Variants in KYNU observed in about 807,000 individuals in gnomAD.
The protein encoded by KYNU is kynureninase.
KYNU carries 54 observed loss-of-function variants against 59.2 expected under a neutral mutation model. That is an observed-to-expected ratio of 0.91 (90% CI 0.73 to 1.14). KYNU has a LOEUF of 1.14. KYNU is among the 50% of genes most tolerant of loss of function. KYNU has a pLI of 0.00. For synonymous variants in KYNU, 177 were observed against 192.0 expected, an observed-to-expected ratio of 0.92 and a Z score of 0.65; for missense variants, 567 against 554.4, an observed-to-expected ratio of 1.02 and a Z score of -0.23.
intron 10 of KYNU, chr2:142,989,053 C>T (rs1439035162): frequency 3.1e-6 from 2 of 635,020 alleles, no homozygotes; most frequent in Non-Finnish European, 5.5e-6. Context: ...AAGAAAAGAC[C>T]CAAAAGCCTA....
Position 143,017,987 on chromosome 2 carries a change from T to C in KYNU, c.903-11640T>C, listed in dbSNP as rs1686309098. 1.3e-5 allele frequency among the ~76,000 whole-genome samples: 2 copies of C among 152,096 alleles called. 1 individual carries two copies. The highest frequency in any genetic ancestry group is 2.9e-5 in the Non-Finnish European group (2 of 67,982). On this transcript the variant is annotated intron_variant, in intron 10 of 13. Transcript: ENST00000264170. The stretch of plus-strand genomic sequence containing the variant: ...TTCATGTATTTTGCCCATATTTTAG[T>C]GGGCAAAATATTTAGTTCAATTGCT...
At chr2:142,913,619 G>A (rs1166934299) in intron 2 of KYNU, among the ~76,000 whole-genome samples, 4 of 152,130 alleles carry the variant, frequency 2.6e-5, no homozygotes, top group Non-Finnish European at 4.4e-5. Context: ...CAAGCATATG[G>A]TCAATCATAG....
chr2:142,895,376 A>T (rs745930611), intron 2 of KYNU, among the ~76,000 whole-genome samples: 24 of 152,202 alleles, frequency 1.6e-4, no homozygotes, highest in Non-Finnish European at 3.2e-4. Flanking sequence ...TGAAGAAATT[A>T]TATACTGTAT....
intron 2 of KYNU, 85 bp downstream of exon 2, chr2:142,885,621 T>C: frequency 8.3e-7 from 1 of 1,209,388 alleles, no homozygotes. Context: ...TTGAAAATCA[T>C]TGTTGTATTA....
chr2:142,886,610 C>A (rs756262488), intron 2 of KYNU, among the ~76,000 whole-genome samples: 6 of 151,988 alleles, frequency 3.9e-5, no homozygotes, highest in Admixed American at 1.3e-4. Flanking sequence ...ATTCTAGAAT[C>A]GAAAATTAAA....
At chr2:143,022,496 A>C (rs2105219220) in intron 10 of KYNU, among the ~76,000 whole-genome samples, 1 of 152,114 alleles carries the variant, frequency 6.6e-6, no homozygotes, top group Non-Finnish European at 1.5e-5. Flanking sequence ...TAATATTAAT[A>C]TTATAATAGC....
chr2:143,047,882 G>T lies in KYNU; in HGVS notation c.*5710G>T, dbSNP rs1318293516. The T allele has an allele frequency of 8.8e-6, 1 of 113,282 alleles. No individual in the cohort carries two copies. The highest frequency in any genetic ancestry group is 1.7e-5 in the Non-Finnish European group (1 of 57,914). 7.0% of individuals were successfully genotyped at this position (113,282 alleles called of 1,614,324 possible). A position where few individuals can be genotyped will look rare whatever the true frequency, so the allele number is the denominator to read the frequency against. On this transcript the variant is annotated 3_prime_UTR_variant, in exon 14 of 14. Coordinates refer to ENST00000264170, the MANE Select transcript of KYNU (RefSeq NM_003937.3). ...TTTTTTTTTTTTTTTTTTTTTTGAGGCAGTCTCTCTCTGTCACCCAGGCTG... is the reference window on the plus strand; with the variant it reads ...TTTTTTTTTTTTTTTTTTTTTTGAGTCAGTCTCTCTCTGTCACCCAGGCTG...
chr2:143,006,808 C>T (rs1368787503), intron 10 of KYNU, among the ~76,000 whole-genome samples: 3 of 151,906 alleles, frequency 2.0e-5, no homozygotes, highest in African/African-American at 4.8e-5. Flanking sequence ...TGACACCTCA[C>T]ACGGCAGGGT....
intron 12 of KYNU, among the ~76,000 whole-genome samples, chr2:143,036,848 G>C (rs1045063280): frequency 1.3e-5 from 2 of 152,120 alleles, no homozygotes; most frequent in African/African-American, 4.8e-5. Flanking sequence ...TTCAATAAAC[G>C]AAAGAAGTAA....
intron 10 of KYNU, among the ~76,000 whole-genome samples, chr2:143,013,298 C>CTCTCTCTG (rs72349700): frequency 0.027 from 4,112 of 149,556 alleles, 82 homozygotes; most frequent in Non-Finnish European, 0.041. Flanking sequence ...GTCTCTTTCT[C>CTCTCTCTG]TGTGTGTGTG....
At chr2:142,966,272 G>T (rs565314952) in intron 8 of KYNU, among the ~76,000 whole-genome samples, 1 of 152,048 alleles carries the variant, frequency 6.6e-6, no homozygotes, top group Non-Finnish European at 1.5e-5. Context: ...CTCATGCATC[G>T]GGCAGGAATT....
intron 10 of KYNU, among the ~76,000 whole-genome samples, chr2:143,012,721 A>T (rs1686145154): frequency 6.6e-6 from 1 of 152,068 alleles, no homozygotes; most frequent in Non-Finnish European, 1.5e-5. Flanking sequence ...AACAGGGAAA[A>T]TCTACTCACT....
intron 4 of KYNU, chr2:142,947,028 G>A: frequency 6.5e-7 from 1 of 1,544,152 alleles, no homozygotes. Context: ...ACCCTTTTGT[G>A]GGCTGATTCT....
chr2:143,021,174 A>G (rs1686396766), intron 10 of KYNU, among the ~76,000 whole-genome samples: 1 of 152,136 alleles, frequency 6.6e-6, no homozygotes, highest in Non-Finnish European at 1.5e-5. Context: ...TGTACTAGAA[A>G]GATTAACCCT....
chr2:143,028,516 A>G (rs975436969), intron 10 of KYNU, among the ~76,000 whole-genome samples: 4 of 146,606 alleles, frequency 2.7e-5, no homozygotes, highest in African/African-American at 9.9e-5. Context: ...TGCTGGGATT[A>G]CAGGTGTGAG....
chr2:142,877,989 A>G (rs1198396116), intron 1 of KYNU, among the ~76,000 whole-genome samples: 5 of 152,202 alleles, frequency 3.3e-5, no homozygotes, highest in Non-Finnish European at 7.3e-5. Flanking sequence ...AACATAGTGC[A>G]CTGAATATGG....
intron 10 of KYNU, among the ~76,000 whole-genome samples, chr2:142,999,007 CAAAAAAAAAAAAAAAAAAA>C (rs59742828): frequency 1.6e-5 from 1 of 63,490 alleles, no homozygotes; most frequent in Admixed American, 1.8e-4. Flanking sequence ...GACTCCGTCT[CAAAAAAAAAAAAAAAAAAA>C]AAAAAAAAAG....
intron 10 of KYNU, among the ~76,000 whole-genome samples, chr2:143,027,068 C>T (rs990603493): frequency 2.0e-5 from 3 of 152,176 alleles, no homozygotes; most frequent in African/African-American, 7.2e-5. Context: ...GCTGTGGTTT[C>T]AGGCTTTTCA....
chr2:142,909,415 G>A (rs1406285841), intron 2 of KYNU, among the ~76,000 whole-genome samples: 6 of 152,060 alleles, frequency 3.9e-5, no homozygotes, highest in Non-Finnish European at 5.9e-5. Flanking sequence ...TGGGTAAACT[G>A]TGTGATGCCA....
Sources: allele counts gnomAD v4.1 joint callset (sites outside exome capture counted in the v4.1 genomes callset), GRCh38; gene constraint gnomAD v4.1.1; transcripts MANE v1.5; gene names NCBI Gene and HGNC (gene_info 2026-07-23, HGNC 2026-07-21).